The following FIG4 variants were observed in gnomAD, a reference collection of about 807,000 sequenced individuals.
The protein encoded by FIG4 is polyphosphoinositide phosphatase.
A neutral mutation model predicts 118.6 loss-of-function variants in FIG4; 112 were observed. The ratio of observed to expected loss-of-function variants is 0.94; its 90% CI spans 0.81 to 1.11. The LOEUF is 1.11. FIG4 is among the 50% of genes least tolerant of loss of function. The pLI, the probability that FIG4 is intolerant of heterozygous loss-of-function variation, is 0.00. For missense variants in FIG4, 969 were observed against 1,111.7 expected, an observed-to-expected ratio of 0.87 and a Z score of 1.83; for synonymous variants, 369 against 381.2, an observed-to-expected ratio of 0.97 and a Z score of 0.37.
intron 21 of FIG4, among the ~76,000 whole-genome samples, chr6:109,795,094 AGTTTTT>A (rs1778240347): frequency 1.3e-5 from 1 of 77,190 alleles, no homozygotes; most frequent in Admixed American, 1.6e-4. Context: ...TACACTTGCC[AGTTTTT>A]TTTTTTTTTT....
chr6:109,810,546 G>C (rs1047830129), intron 22 of FIG4, among the ~76,000 whole-genome samples: 1 of 152,174 alleles, frequency 6.6e-6, no homozygotes, highest in South Asian at 2.1e-4. Flanking sequence ...TTTAAGTCAC[G>C]TGAAGGGTAC....
chr6:109,780,182 C>T (rs1777756957), intron 16 of FIG4, among the ~76,000 whole-genome samples: 1 of 152,198 alleles, frequency 6.6e-6, no homozygotes, highest in African/African-American at 2.4e-5. Context: ...AAATGGTTAG[C>T]ACCTAGCAAA....
chr6:109,700,325 A>G (rs909860082), intron 1 of FIG4, among the ~76,000 whole-genome samples: 2 of 152,228 alleles, frequency 1.3e-5, no homozygotes, highest in South Asian at 2.1e-4. Context: ...AAAGCAGTAT[A>G]TCCTTACATG....
Position 109,825,150 on chromosome 6 carries a change from G to GA in FIG4, c.2613dup (p.Ser872IlefsTer50). ...GAAGTTCAGCCCCCAAGAGTAGACA[G>GA]AAAATCTACAGAGATCTTCCAAGCC... On this transcript the variant is annotated frameshift_variant, in exon 23 of 23. Coordinates refer to ENST00000230124, the MANE Select transcript of FIG4 (RefSeq NM_014845.6). LOFTEE classifies it high-confidence loss of function. 1 of 1,613,984 alleles carries GA rather than the reference G, an allele frequency of 6.2e-7. No individual in the cohort carries two copies. The highest frequency in any genetic ancestry group is 1.3e-5 in the African/African-American group (1 of 75,018).
At chr6:109,752,051 A>G (rs1776722540) in intron 10 of FIG4, among the ~76,000 whole-genome samples, 1 of 128,822 alleles carries the variant, frequency 7.8e-6, no homozygotes, top group Non-Finnish European at 1.6e-5. Context: ...ATGTGTTCTC[A>G]TTGTTCAGTT....
intron 16 of FIG4, among the ~76,000 whole-genome samples, 200 bp from the exon 17 acceptor site, chr6:109,784,770 G>A (rs1472273993): frequency 1.3e-5 from 2 of 152,146 alleles, no homozygotes; most frequent in Non-Finnish European, 2.9e-5. Flanking sequence ...ATAGTTGAAG[G>A]AAGAAAGCAG....
At chr6:109,781,151 C>G (rs1213990888) in intron 16 of FIG4, among the ~76,000 whole-genome samples, 1 of 152,320 alleles carries the variant, frequency 6.6e-6, no homozygotes, top group Non-Finnish European at 1.5e-5. Flanking sequence ...TGTTTTGGAA[C>G]AGTTCACTTA....
intron 10 of FIG4, among the ~76,000 whole-genome samples, chr6:109,759,962 G>A (rs1390548074): frequency 6.6e-6 from 1 of 152,128 alleles, no homozygotes; most frequent in African/African-American, 2.4e-5. Context: ...GGAGTGTGTG[G>A]GCCATGGCCC....
intron 10 of FIG4, among the ~76,000 whole-genome samples, chr6:109,744,873 G>A (rs779633567): frequency 6.1e-5 from 9 of 148,068 alleles, no homozygotes; most frequent in East Asian, 2.0e-4. Context: ...TCCCACTTAC[G>A]AGTGAGAACA....
chr6:109,752,513 A>C (rs958761045), intron 10 of FIG4, among the ~76,000 whole-genome samples: 3 of 151,976 alleles, frequency 2.0e-5, no homozygotes, highest in Non-Finnish European at 2.9e-5. Flanking sequence ...GTTTCCTGAC[A>C]TTTTAATGAT....
In FIG4 at chr6:109,825,201, T is replaced by TG. The variant is rs778839285; in HGVS notation, c.2661dup (p.Gln888AlafsTer34). 18 of 1,613,996 alleles carry TG rather than the reference T, an allele frequency of 1.1e-5. No individual in the cohort carries two copies. The East Asian group carries it at 3.8e-4, about 34-fold the overall frequency. ...CACATCCAGGCCAGCCAAGGTATCA[T>TG]GCAGCCCCTAGGAAAAGAGGACTCC... On this transcript the variant is annotated frameshift_variant, in exon 23 of 23. Transcript: ENST00000230124. LOFTEE classifies it high-confidence loss of function.
chr6:109,779,990 G>C (rs756524018), intron 16 of FIG4, among the ~76,000 whole-genome samples: 3 of 152,170 alleles, frequency 2.0e-5, no homozygotes, highest in Non-Finnish European at 4.4e-5. Flanking sequence ...TTAATACTGG[G>C]TCTGACACAG....
chr6:109,751,340 C>T (rs1388890738), intron 10 of FIG4, among the ~76,000 whole-genome samples: 1 of 150,582 alleles, frequency 6.6e-6, no homozygotes, highest in Non-Finnish European at 1.5e-5. Context: ...GGATTTTCGC[C>T]TCGATGTTCA....
intron 15 of FIG4, among the ~76,000 whole-genome samples, chr6:109,771,898 C>T (rs1003731128): frequency 1.3e-5 from 2 of 152,148 alleles, no homozygotes; most frequent in South Asian, 2.1e-4. Context: ...TTGCCATTAA[C>T]ATAAAAGCAT....
At chr6:109,783,398 CG>C in intron 16 of FIG4, among the ~76,000 whole-genome samples, 1 of 152,322 alleles carries the variant, frequency 6.6e-6, no homozygotes, top group South Asian at 2.1e-4. Flanking sequence ...TCAGCTACAC[CG>C]GGACACTAGC....
intron 22 of FIG4, among the ~76,000 whole-genome samples, chr6:109,815,902 C>A (rs1160525408): frequency 6.6e-6 from 1 of 151,998 alleles, no homozygotes; most frequent in Non-Finnish European, 1.5e-5. Flanking sequence ...CTTTTGACTA[C>A]TGTTTAAATT....
intron 1 of FIG4, 30 bp downstream of exon 1, chr6:109,691,531 C>CG: frequency 6.5e-7 from 1 of 1,544,444 alleles, no homozygotes. Context: ...GGGGCGCAGG[C>CG]GGGAGGATGG....
chr6:109,741,627 G>A (rs373324451), intron 8 of FIG4, 83 bp downstream of exon 8: 11 of 913,954 alleles, frequency 1.2e-5, no homozygotes, highest in African/African-American at 6.5e-5. Context: ...GAAATTTTAA[G>A]AAGTGGTATT....
chr6:109,766,931 T>C, intron 15 of FIG4, 36 bp downstream of exon 15: 1 of 1,557,520 alleles, frequency 6.4e-7, no homozygotes, highest in Non-Finnish European at 8.9e-7. Context: ...TAAGACTTAC[T>C]CTGAAGTGCA....
Sources: allele counts gnomAD v4.1 joint callset (sites outside exome capture counted in the v4.1 genomes callset), GRCh38; gene constraint gnomAD v4.1.1; transcripts MANE v1.5; gene names NCBI Gene and HGNC (gene_info 2026-07-23, HGNC 2026-07-21).